The following WWOX variants were observed in gnomAD, a reference collection of about 807,000 sequenced individuals.
WWOX encodes the protein WW domain containing oxidoreductase.
A neutral mutation model predicts 46.2 loss-of-function variants in WWOX; 69 were observed. The observed-to-expected ratio is 1.49, with a 90% CI of 1.23 to 1.82. WWOX has a LOEUF of 1.82. Ranked by LOEUF, WWOX falls within the 40% of genes most tolerant of loss-of-function variation. The pLI is 0.00. For synonymous variants in WWOX, 359 were observed against 202.6 expected (o/e 1.77, Z -6.56); for missense variants, 919 against 542.6 (o/e 1.69, Z -6.89).
chr16:78,756,408 C>T lies in WWOX; in HGVS notation c.1056+323656C>T, dbSNP rs2049648138. Among the ~76,000 whole-genome samples the T allele has an allele frequency of 2.0e-5, 3 of 152,066 alleles. No homozygotes were observed. The South Asian group carries it at 6.2e-4, about 32-fold the overall frequency. ...GACAGAACTCCAGAGGACTCTTAAACATTATTCAGGAAGCTCTGAAGCTCC... is the reference window on the plus strand; with the variant it reads ...GACAGAACTCCAGAGGACTCTTAAATATTATTCAGGAAGCTCTGAAGCTCC... On this transcript the variant is annotated intron_variant, in intron 8 of 8. Coordinates refer to ENST00000566780, the MANE Select transcript of WWOX (RefSeq NM_016373.4).
chr16:78,939,236 T>C (rs1226503600), intron 8 of WWOX, among the ~76,000 whole-genome samples: 1 of 152,096 alleles, frequency 6.6e-6, no homozygotes, highest in Non-Finnish European at 1.5e-5. Context: ...AGACACAGAA[T>C]TGGGTGTTGG....
At chr16:79,032,615 T>A (rs1360110205) in intron 8 of WWOX, among the ~76,000 whole-genome samples, 5 of 148,698 alleles carry the variant, frequency 3.4e-5, no homozygotes, top group Middle Eastern at 3.3e-3. Context: ...ATGAATATAA[T>A]TATATAATTC....
In WWOX at chr16:79,096,016, ATTTTTTTT is replaced by A. The variant is rs57621801; in HGVS notation, c.1057-115577_1057-115570del. ...AGGCATGCGCTGCCACACCCGGATA[ATTTTTTTT>A]TTTTTTTTTTTTTTGGTATTTTTGG... is the stretch of plus-strand genomic sequence containing the variant. On this transcript the variant is annotated intron_variant, in intron 8 of 8. Transcript: ENST00000566780. Among the ~76,000 whole-genome samples the A allele has an allele frequency of 9.5e-3, 778 of 82,032 alleles. 8 individuals are homozygous for A. Among genetic ancestry groups the A allele is most frequent in the Non-Finnish European group, 0.014 (623 of 45,346 alleles). The allele number at this position is 82,032 out of a possible 152,430, so 53.8% of individuals were successfully genotyped here.
chr16:79,212,451 C>T lies in WWOX; in HGVS notation c.*655C>T. 1 of 256,396 alleles carries T rather than the reference C, an allele frequency of 3.9e-6. No homozygotes were observed. The highest frequency in any genetic ancestry group is 7.5e-6 in the Non-Finnish European group (1 of 132,986). The allele number at this position is 256,396 out of a possible 1,614,324, so 15.9% of individuals were successfully genotyped here. A position where few individuals can be genotyped will look rare whatever the true frequency, so the allele number is the denominator to read the frequency against. The stretch of plus-strand genomic sequence containing the variant: ...GCAAAAAATTCTTTAGAGATTATAA[C>T]AAATTTTTCAAATCATTCCTTAGAT... On this transcript the variant is annotated 3_prime_UTR_variant, in exon 9 of 9. Transcript: ENST00000566780.
intron 8 of WWOX, among the ~76,000 whole-genome samples, chr16:78,452,343 T>A (rs1415458469): frequency 6.6e-6 from 1 of 152,186 alleles, no homozygotes; most frequent in Non-Finnish European, 1.5e-5. Context: ...AGTTACTGAT[T>A]GCTATCATGC....
At chr16:78,361,919 C>T (rs973162056) in intron 5 of WWOX, among the ~76,000 whole-genome samples, 6 of 149,946 alleles carry the variant, frequency 4.0e-5, no homozygotes, top group South Asian at 4.2e-4. Context: ...GCCCCTCCCC[C>T]GTTTATTTCT....
chr16:78,823,543 A>C (rs754194526), intron 8 of WWOX, among the ~76,000 whole-genome samples: 2 of 152,202 alleles, frequency 1.3e-5, no homozygotes, highest in African/African-American at 4.8e-5. Flanking sequence ...TAGCATTCTA[A>C]AGATGTTCCA....
At chr16:78,495,598 T>C (rs1405088402) in intron 8 of WWOX, among the ~76,000 whole-genome samples, 1 of 150,852 alleles carries the variant, frequency 6.6e-6, no homozygotes, top group Non-Finnish European at 1.5e-5. Context: ...AACCTCCACC[T>C]CCTGGGTTCA....
intron 5 of WWOX, among the ~76,000 whole-genome samples, chr16:78,232,890 G>A (rs530948534): frequency 6.6e-6 from 1 of 151,888 alleles, no homozygotes; most frequent in South Asian, 2.1e-4. Flanking sequence ...TCACCGGGCT[G>A]GAGTGCAGTG....
chr16:78,194,255 C>T (rs2035976506), intron 5 of WWOX, among the ~76,000 whole-genome samples: 1 of 151,892 alleles, frequency 6.6e-6, no homozygotes, highest in Non-Finnish European at 1.5e-5. Context: ...ATTGGAACTG[C>T]TTGGTAGGTG....
chr16:78,110,907 G>T (rs560785054), intron 3 of WWOX, among the ~76,000 whole-genome samples: 1 of 152,304 alleles, frequency 6.6e-6, no homozygotes, highest in East Asian at 1.9e-4. Context: ...GTTAAGAGGA[G>T]AATTAATGTT....
intron 5 of WWOX, chr16:78,269,032 T>A (rs896164855): frequency 1.3e-5 from 2 of 152,186 alleles, no homozygotes; most frequent in African/African-American, 4.8e-5. Flanking sequence ...AGTGGACACA[T>A]ACTCCACCAT....
intron 8 of WWOX, among the ~76,000 whole-genome samples, chr16:78,773,754 G>A (rs2050122474): frequency 6.6e-6 from 1 of 152,178 alleles, no homozygotes; most frequent in Non-Finnish European, 1.5e-5. Flanking sequence ...GGCAGGAGGC[G>A]ACAAACAAAG....
At chr16:78,811,632 A>T (rs2051192001) in intron 8 of WWOX, among the ~76,000 whole-genome samples, 1 of 151,886 alleles carries the variant, frequency 6.6e-6, no homozygotes, top group Admixed American at 6.6e-5. Context: ...CAGTCTCCCA[A>T]AGTGCTGGGA....
At chr16:78,527,155 T>TA (rs1290742426) in intron 8 of WWOX, among the ~76,000 whole-genome samples, 1 of 151,820 alleles carries the variant, frequency 6.6e-6, no homozygotes, top group Non-Finnish European at 1.5e-5. Context: ...AAGAGCGGGG[T>TA]AAAAAAACAA....
intron 5 of WWOX, among the ~76,000 whole-genome samples, chr16:78,352,609 G>A (rs973589907): frequency 1.3e-5 from 2 of 152,118 alleles, no homozygotes; most frequent in African/African-American, 4.8e-5. Flanking sequence ...CTGATAATCT[G>A]GGATAATCTG....
chr16:78,859,269 A>T (rs1332510313), intron 8 of WWOX, among the ~76,000 whole-genome samples: 1 of 151,476 alleles, frequency 6.6e-6, no homozygotes, highest in African/African-American at 2.4e-5. Flanking sequence ...CCTGAAAGGG[A>T]AGTGGAGAAG....
chr16:78,911,625 G>A (rs2045113995), intron 8 of WWOX, among the ~76,000 whole-genome samples: 2 of 152,094 alleles, frequency 1.3e-5, no homozygotes, highest in South Asian at 4.2e-4. Context: ...CAACACTTTG[G>A]GAAGCTGAGA....
At chr16:78,283,657 A>G (rs1485581654) in intron 5 of WWOX, among the ~76,000 whole-genome samples, 38 of 152,182 alleles carry the variant, frequency 2.5e-4, no homozygotes, top group Non-Finnish European at 5.9e-5. Flanking sequence ...ACGTATTTAC[A>G]TGGACGTTTT....
Sources: gnomAD v4.1 joint callset for allele counts (sites outside exome capture counted in the v4.1 genomes callset) on GRCh38, gnomAD v4.1.1 for gene constraint, MANE v1.5 for transcripts, NCBI Gene and HGNC (gene_info 2026-07-23, HGNC 2026-07-21) for gene names.